STAU2: variants seen among roughly 807,000 people sequenced by gnomAD.
STAU2 encodes double-stranded RNA-binding protein Staufen homolog 2.
STAU2 carries 20 observed loss-of-function variants against 65.9 expected under a neutral mutation model. The observed-to-expected ratio is 0.30, with a 90% CI of 0.21 to 0.44. The LOEUF is 0.44. Ranked by LOEUF, STAU2 falls within the 20% of genes least tolerant of loss-of-function variation. The pLI is 1.00. For missense variants in STAU2, 558 were observed against 683.9 expected (o/e 0.82, Z 2.05); for synonymous variants, 232 against 233.9 (o/e 0.99, Z 0.07).
At chr8:73,567,881 G>A (rs149700415) in intron 12 of STAU2, among the ~76,000 whole-genome samples, 5,752 of 151,726 alleles carry the variant, frequency 0.038, 316 homozygotes, top group Admixed American at 0.15. Flanking sequence ...GCAGGATGGT[G>A]GTGTTTATCT....
chr8:73,422,554 T>G (rs1816460813), intron 14 of STAU2, 60 bp downstream of exon 14: 1 of 1,276,992 alleles, frequency 7.8e-7, no homozygotes, highest in Non-Finnish European at 1.1e-6. Flanking sequence ...ATTATCTATG[T>G]CTTATCTTTT....
chr8:73,725,182 T>A lies in STAU2; in HGVS notation c.-18+13102A>T, dbSNP rs185284490. Among the ~76,000 whole-genome samples, 3 of 152,336 alleles carry A rather than the reference T, an allele frequency of 2.0e-5. No homozygotes were observed. In the East Asian group the frequency reaches 5.8e-4, roughly 29 times the overall value. The stretch of plus-strand genomic sequence containing the variant: ...GTATAGTTGTCAATATTACTAGATT[T>A]ATATCTACTGTTTTGTTATGTTTTT... On this transcript the variant is annotated intron_variant, in intron 3 of 14. Coordinates refer to ENST00000524300, the MANE Select transcript of STAU2 (RefSeq NM_001164380.2).
chr8:73,552,213 A>C lies in STAU2; in HGVS notation c.1329T>G (p.Asp443Glu). Residue 443 changes from aspartate to glutamate, a missense_variant, in exon 13 of 15, where the codon GAT (aspartate) becomes GAG (glutamate). Asp to Glu is a conservative substitution (Grantham distance 45, BLOSUM62 2). Transcript: ENST00000524300. ...AGAAAGAGCTTGAAGGTTGGTTCATATCTTTGGGTGACAAATAGCCTAGAG... is the reference window on the plus strand; with the variant it reads ...AGAAAGAGCTTGAAGGTTGGTTCATCTCTTTGGGTGACAAATAGCCTAGAG... ...GTTLGYLSPK[D>E]MNQPSSSFFS... 1 of 1,614,040 alleles carries C rather than the reference A, an allele frequency of 6.2e-7. No homozygotes were observed. The highest frequency in any genetic ancestry group is 8.5e-7 in the Non-Finnish European group (1 of 1,179,908).
chr8:73,598,157 T>C (rs1439239942), intron 10 of STAU2, among the ~76,000 whole-genome samples: 1 of 151,966 alleles, frequency 6.6e-6, no homozygotes, highest in Non-Finnish European at 1.5e-5. Context: ...GTTTAACATT[T>C]GAAATTCAAA....
intron 13 of STAU2, among the ~76,000 whole-genome samples, chr8:73,493,423 A>C (rs1169638746): frequency 6.6e-6 from 1 of 151,812 alleles, no homozygotes; most frequent in Non-Finnish European, 1.5e-5. Context: ...ATATAAAGAA[A>C]TATAACTTAA....
intron 13 of STAU2, among the ~76,000 whole-genome samples, chr8:73,469,018 T>C (rs1819818496): frequency 2.6e-5 from 4 of 151,974 alleles, no homozygotes; most frequent in South Asian, 4.2e-4. Context: ...ATGTTTATTG[T>C]GGCACTATTC....
intron 13 of STAU2, among the ~76,000 whole-genome samples, chr8:73,506,777 T>C (rs1822093858): frequency 1.3e-5 from 2 of 152,328 alleles, no homozygotes; most frequent in Non-Finnish European, 2.9e-5. Flanking sequence ...ACAGTAGAAA[T>C]GTCTTTAAAA....
chr8:73,485,447 T>G lies in STAU2; in HGVS notation c.1531-62745A>C, dbSNP rs1820866540. Among the ~76,000 whole-genome samples, 4 of 152,098 alleles carry G rather than the reference T, an allele frequency of 2.6e-5. No homozygotes were observed. In the South Asian group the frequency reaches 8.3e-4, roughly 32 times the overall value. ...ACAATCCAATTACCAAGTGGCCTCGTGAGAAAAGTGCCAAGTGCAAGTAGG... is the reference window on the plus strand; with the variant it reads ...ACAATCCAATTACCAAGTGGCCTCGGGAGAAAAGTGCCAAGTGCAAGTAGG... On this transcript the variant is annotated intron_variant, in intron 13 of 14. Coordinates refer to ENST00000524300, the MANE Select transcript of STAU2 (RefSeq NM_001164380.2).
intron 13 of STAU2, among the ~76,000 whole-genome samples, chr8:73,483,298 G>GA (rs538710641): frequency 2.0e-4 from 31 of 152,124 alleles, no homozygotes; most frequent in Admixed American, 5.9e-4. Flanking sequence ...AATCAGGGGG[G>GA]AAAAAACCTC....
chr8:73,714,683 C>T (rs1821119563), intron 3 of STAU2, among the ~76,000 whole-genome samples: 1 of 152,016 alleles, frequency 6.6e-6, no homozygotes, highest in Admixed American at 6.6e-5. Context: ...TGATAGTTAA[C>T]AACATAAAAA....
At position 73,483,066 on chromosome 8, in the gene STAU2, A is replaced by G. The variant is rs114489709; in HGVS notation, c.1531-60364T>C. On this transcript the variant is annotated intron_variant, in intron 13 of 14. Coordinates refer to ENST00000524300, the MANE Select transcript of STAU2 (RefSeq NM_001164380.2). ...GCCCCATACACATCAGTGGTCAGCA[A>G]AGAATGTGCAAGCCTATCACAGACT... Among the ~76,000 whole-genome samples, 267 of 152,094 alleles carry G rather than the reference A, an allele frequency of 1.8e-3. 2 individuals carry two copies. Among genetic ancestry groups the G allele is most frequent in the African/African-American group, 6.2e-3 (256 of 41,516 alleles).
At chr8:73,464,723 G>T (rs750652893) in intron 13 of STAU2, among the ~76,000 whole-genome samples, 1 of 152,110 alleles carries the variant, frequency 6.6e-6, no homozygotes, top group East Asian at 1.9e-4. Context: ...AAAGGAAACA[G>T]AATAATCAAA....
At chr8:73,674,833 GAAATCCTAACTGAAAATATAGTCTT>G (rs1242803465) in intron 5 of STAU2, among the ~76,000 whole-genome samples, 1 of 151,358 alleles carries the variant, frequency 6.6e-6, no homozygotes, top group Non-Finnish European at 1.5e-5. Context: ...AATCCTAACT[GAAATCCTAACTGAAAATATAGTCTT>G]AAATCCTAAC....
At chr8:73,423,581 C>T (rs2128878220) in intron 13 of STAU2, among the ~76,000 whole-genome samples, 1 of 152,316 alleles carries the variant, frequency 6.6e-6, no homozygotes, top group African/African-American at 2.4e-5. Context: ...CTGGGTCACA[C>T]TTGGGGCATC....
chr8:73,465,197 C>T (rs7817466), intron 13 of STAU2, among the ~76,000 whole-genome samples: 98,827 of 152,124 alleles, frequency 0.65, 32,791 homozygotes, highest in East Asian at 0.93. Flanking sequence ...TTCCCGGCCA[C>T]GGAGGCAGTG....
intron 6 of STAU2, among the ~76,000 whole-genome samples, chr8:73,626,279 A>G (rs1249161094): frequency 6.6e-6 from 1 of 152,246 alleles, no homozygotes; most frequent in African/African-American, 2.4e-5. Flanking sequence ...TAAGACAGCA[A>G]GTGCAAAGGC....
At chr8:73,641,887 G>A (rs1156645841) in intron 6 of STAU2, among the ~76,000 whole-genome samples, 2 of 152,146 alleles carry the variant, frequency 1.3e-5, no homozygotes, top group Non-Finnish European at 2.9e-5. Flanking sequence ...GTAATTTTGT[G>A]AAAGCTGTTC....
intron 13 of STAU2, among the ~76,000 whole-genome samples, chr8:73,459,692 G>A (rs928880122): frequency 1.6e-4 from 24 of 152,058 alleles, no homozygotes; most frequent in African/African-American, 3.1e-4. Context: ...TCCACATATC[G>A]TCACATCCCA....
At chr8:73,481,089 G>GAAATAGA (rs1820587970) in intron 13 of STAU2, among the ~76,000 whole-genome samples, 1 of 152,096 alleles carries the variant, frequency 6.6e-6, no homozygotes, top group South Asian at 2.1e-4. Context: ...GCCAGGTTAA[G>GAAATAGA]AAATAGAACA....
Sources: gnomAD v4.1 joint callset for allele counts (sites outside exome capture counted in the v4.1 genomes callset) on GRCh38, gnomAD v4.1.1 for gene constraint, MANE v1.5 for transcripts, NCBI Gene and HGNC (gene_info 2026-07-23, HGNC 2026-07-21) for gene names.